Variants in UBA7 observed in about 807,000 individuals in gnomAD.
The protein encoded by UBA7 is ubiquitin-like modifier-activating enzyme 7.
Under a neutral mutation model 113.0 loss-of-function variants are expected in UBA7, and 88 were observed. The observed-to-expected ratio is 0.78, with a 90% CI of 0.66 to 0.93. UBA7 has a LOEUF of 0.93. Among genes scored for constraint, UBA7 ranks in the 40% least tolerant of loss-of-function variants. The pLI is 0.00. For missense variants in UBA7, 1,092 were observed against 1,266.4 expected (o/e 0.86, Z 2.09); for synonymous variants, 459 against 513.0 (o/e 0.89, Z 1.42).
At chr3:49,812,847 A>G (rs1575379363) in intron 4 of UBA7, 109 bp from the exon 5 acceptor site, 2 of 1,336,176 alleles carry the variant, frequency 1.5e-6, no homozygotes, top group East Asian at 5.0e-5. Context: ...ATGCAAGGAG[A>G]GGCTTGGGAA....
Position 49,813,536 on chromosome 3 carries a change from C to T in UBA7, c.168G>A (p.Val56=), listed in dbSNP as rs756331956. The part of the protein sequence containing the change: ...EVAKNLVLMG[V]GSLTLHDPHP... ...GGGGATCATGCAGAGTGAGGCTGCC[C>T]ACACCCATCAGAACCAAGTTCTTGG... is the stretch of plus-strand genomic sequence containing the variant. Residue 56 remains valine, a synonymous_variant, in exon 2 of 24, where the codon GTG becomes GTA. Coordinates refer to ENST00000333486, the MANE Select transcript of UBA7 (RefSeq NM_003335.3). 5.0e-6 allele frequency: 8 copies of T among 1,613,968 alleles called. No individual in the cohort carries two copies. The East Asian group carries it at 6.7e-5, about 13-fold the overall frequency.
In UBA7 at chr3:49,810,238, C is replaced by G. The variant is rs1356021262; in HGVS notation, c.1633+25G>C. 6.2e-7 allele frequency: 1 copy of G among 1,613,358 alleles called. No homozygotes were observed. The highest frequency in any genetic ancestry group is 1.1e-5 in the South Asian group (1 of 91,026). ...GACTGGCACAGCTGTGGGCAAGGGA[C>G]TGACCTCCGAAGTCAAGCACTCACG... is the stretch of plus-strand genomic sequence containing the variant. On this transcript the variant is annotated intron_variant, in intron 13 of 23. Coordinates refer to ENST00000333486, the MANE Select transcript of UBA7 (RefSeq NM_003335.3). The surrounding 1 kb of genome is among the most constrained non-coding windows in gnomAD (Gnocchi z 5.6).
intron 21 of UBA7, chr3:49,806,402 C>T: frequency 1.7e-6 from 1 of 584,634 alleles, no homozygotes; most frequent in South Asian, 2.0e-5. Flanking sequence ...CGATCCATCA[C>T]ATGGGCCAGT....
In UBA7 at chr3:49,807,304, C is replaced by T. The variant is rs1460936914; in HGVS notation, c.2715+432G>A. Among the ~76,000 whole-genome samples the T allele has an allele frequency of 1.3e-5, 2 of 152,198 alleles. No homozygotes were observed. Among genetic ancestry groups the T allele is most frequent in the Admixed American group, 6.5e-5 (1 of 15,286 alleles). ...TACACTCAGGGCTGCAGACCCCACACCTCTAGTGGCAAGCCTATTACCTTT... is the reference window on the plus strand; with the variant it reads ...TACACTCAGGGCTGCAGACCCCACATCTCTAGTGGCAAGCCTATTACCTTT... On this transcript the variant is annotated intron_variant, in intron 21 of 23. Transcript: ENST00000333486. This position sits in a 1 kb window ranked among gnomAD's most constrained non-coding sequence, Gnocchi z 4.0.
At position 49,808,180 on chromosome 3, in the gene UBA7, C is replaced by A; in HGVS notation, c.2431-68G>T. On this transcript the variant is annotated intron_variant, in intron 19 of 23. Coordinates refer to ENST00000333486, the MANE Select transcript of UBA7 (RefSeq NM_003335.3). ...CCCCTCACCGTGGCCCACTGCGTGT[C>A]ACTGCACAAGTCTCCACACAGTTCT... 1.9e-6 allele frequency: 3 copies of A among 1,583,674 alleles called. No individual in the cohort carries two copies. The South Asian group carries it at 3.4e-5, about 18-fold the overall frequency.
At position 49,813,285 on chromosome 3, in the gene UBA7, C is replaced by G. The variant is rs557965819; in HGVS notation, c.324G>C (p.Thr108=). The part of the protein sequence containing the change: ...LNRAVQVVVH[T]GDITEDLLLD... ...ACAGCAGGTCCTCAGTGATGTCACC[C>G]GTGTGCACGACGACCTGGACAGCTC... The change falls in exon 3 of 24, where the codon ACG becomes ACC. Residue 108 remains threonine, a synonymous_variant. Coordinates refer to ENST00000333486, the MANE Select transcript of UBA7 (RefSeq NM_003335.3). 1.2e-6 allele frequency: 2 copies of G among 1,614,174 alleles called. No individual in the cohort carries two copies. The highest frequency in any genetic ancestry group is 2.2e-5 in the South Asian group (2 of 91,086).
rs1380927567 is a variant in UBA7, at chr3:49,813,583, G to A, written c.121C>T (p.Gln41Ter). The A allele has an allele frequency of 6.2e-7, 1 of 1,614,130 alleles. No homozygotes were observed. Among genetic ancestry groups the A allele is most frequent in the Non-Finnish European group, 8.5e-7 (1 of 1,180,044 alleles). Reference sequence around the variant, plus strand: ...TTGGCCACCTCGGCCCCCAGGCCCTGCAGGCCTGACACCAGGACCCTGGCT... The same window carrying A: ...TTGGCCACCTCGGCCCCCAGGCCCTACAGGCCTGACACCAGGACCCTGGCT... Reference protein sequence around the residue: ...QGARVLVSGLQGLGAEVAKNL... With the variant: ...QGARVLVSGL Residue 41 changes from glutamine (Q) to a stop codon, truncating the protein, a stop_gained, in exon 2 of 24, where the codon CAG becomes TAG. Coordinates refer to ENST00000333486, the MANE Select transcript of UBA7 (RefSeq NM_003335.3). LOFTEE classifies it high-confidence loss of function.
Position 49,806,014 on chromosome 3 carries a change from A to G in UBA7, c.2809-17T>C. ...GTGCTGCTCCTAGAGGAGAAAGGTC[A>G]GACACCAGCTGGGCCGGGCTGGGCT... On this transcript the variant is annotated splice_polypyrimidine_tract_variant and intron_variant, in intron 22 of 23. Coordinates refer to ENST00000333486, the MANE Select transcript of UBA7 (RefSeq NM_003335.3). The G allele has an allele frequency of 2.6e-6, 4 of 1,567,154 alleles. No individual in the cohort carries two copies. In the South Asian group the frequency reaches 4.7e-5, roughly 18 times the overall value.
chr3:49,809,141 C>A lies in UBA7; in HGVS notation c.2182G>T (p.Val728Leu). 6.2e-7 allele frequency: 1 copy of A among 1,612,274 alleles called. No homozygotes were observed. The highest frequency in any genetic ancestry group is 1.1e-5 in the South Asian group (1 of 90,758). Residue 728 changes from valine to leucine, a missense_variant, in exon 18 of 24, where the codon GTA becomes TTA. Val to Leu is a conservative substitution (Grantham distance 32). This residue lies in a region of UBA7 where 500 missense variants were observed against 529.3 expected (regional missense o/e 0.94). Coordinates refer to ENST00000333486, the MANE Select transcript of UBA7 (RefSeq NM_003335.3). Reference protein sequence around the residue: ...DTNQDTHLLYVLAAANLYAQM... With the variant: ...DTNQDTHLLYLLAAANLYAQM... ...GCATACAGGTTGGCAGCTGCCAGTA[C>A]GTAGAGGAGGTGTGTGTCCTGCAGC...
At chr3:49,809,750 G>C in intron 15 of UBA7, 25 bp from the exon 16 acceptor site, 1 of 1,614,116 alleles carries the variant, frequency 6.2e-7, no homozygotes, top group Non-Finnish European at 8.5e-7. Flanking sequence ...GGAAGTGTGA[G>C]ACTGAGTCCT....
In UBA7 at chr3:49,811,319, G is replaced by A. The variant is rs757065862; in HGVS notation, c.1076C>T (p.Pro359Leu). 1.2e-6 allele frequency: 2 copies of A among 1,614,182 alleles called. No individual in the cohort carries two copies. The highest frequency in any genetic ancestry group is 1.1e-5 in the South Asian group (1 of 91,084). The change falls in exon 9 of 24, where the codon CCT (proline) becomes CTT (leucine). Residue 359 changes from proline to leucine, a missense_variant. By Grantham distance (98) the Pro-to-Leu change is moderately conservative (BLOSUM62 -3). Coordinates refer to ENST00000333486, the MANE Select transcript of UBA7 (RefSeq NM_003335.3). ...VALSSAGVLSPMVAMLGAVAA... is the reference protein window; with the variant it reads ...VALSSAGVLSLMVAMLGAVAA... ...TACTGCACCCAGCATGGCCACCATAGGGCTCAAGACACCTGCACTGCTTAG... is the reference window on the plus strand; with the variant it reads ...TACTGCACCCAGCATGGCCACCATAAGGCTCAAGACACCTGCACTGCTTAG...
chr3:49,809,892 G>C lies in UBA7; in HGVS notation c.1840-13C>G. 6.2e-7 allele frequency: 1 copy of C among 1,614,198 alleles called. No homozygotes were observed. The highest frequency in any genetic ancestry group is 1.3e-5 in the African/African-American group (1 of 75,050). On this transcript the variant is annotated splice_polypyrimidine_tract_variant and intron_variant, in intron 14 of 23. Transcript: ENST00000333486. ...CATGCCGGGCCCACTGTGGAGGAGG[G>C]AGGAAGAATGAGGTATCAGGTGGAG... is the stretch of plus-strand genomic sequence containing the variant.
At position 49,811,764 on chromosome 3, in the gene UBA7, G is replaced by A. The variant is rs1476767158; in HGVS notation, c.939+106C>T. 6.5e-6 allele frequency: 10 copies of A among 1,546,890 alleles called. No individual in the cohort carries two copies. In the African/African-American group the frequency reaches 9.5e-5, roughly 15 times the overall value. On this transcript the variant is annotated intron_variant, in intron 8 of 23. Coordinates refer to ENST00000333486, the MANE Select transcript of UBA7 (RefSeq NM_003335.3). ...ACCAGTCTCTACTCTAAAGGCTGCA[G>A]TGTTGGGAGATCAGACTTGGATTTG... is the stretch of plus-strand genomic sequence containing the variant.
intron 23 of UBA7, 40 bp downstream of exon 23, chr3:49,805,857 G>A (rs1305920767): frequency 6.5e-7 from 1 of 1,533,496 alleles, no homozygotes. Flanking sequence ...CCAGCCTCCA[G>A]GGACTGGTGG....
At position 49,811,098 on chromosome 3, in the gene UBA7, G is replaced by A; in HGVS notation, c.1123-7C>T. The A allele has an allele frequency of 6.2e-7, 1 of 1,613,686 alleles. No individual in the cohort carries two copies. The highest frequency in any genetic ancestry group is 1.3e-5 in the African/African-American group (1 of 75,024). On this transcript the variant is annotated splice_region_variant and splice_polypyrimidine_tract_variant and intron_variant, in intron 9 of 23. Transcript: ENST00000333486. ...TGAACTTCCTGGAGATTGCCTAGGGGCAGCACTTCAGGCTGGGCACTCCTG... is the reference window on the plus strand; with the variant it reads ...TGAACTTCCTGGAGATTGCCTAGGGACAGCACTTCAGGCTGGGCACTCCTG...
At position 49,813,241 on chromosome 3, in the gene UBA7, G is replaced by A. The variant is rs1444384980; in HGVS notation, c.360+8C>T. The stretch of plus-strand genomic sequence containing the variant: ...TCCTGCTCTTGAGGGCTGCAGGCCT[G>A]AGCTGACCTGGAAGTCCAACAGCAG... On this transcript the variant is annotated splice_region_variant and intron_variant, in intron 3 of 23. Coordinates refer to ENST00000333486, the MANE Select transcript of UBA7 (RefSeq NM_003335.3). 1 of 1,613,926 alleles carries A rather than the reference G, an allele frequency of 6.2e-7. No individual in the cohort carries two copies. The highest frequency in any genetic ancestry group is 1.3e-5 in the African/African-American group (1 of 74,938).
Position 49,807,709 on chromosome 3 carries a change from GC to G in UBA7, c.2715+26del. On this transcript the variant is annotated intron_variant, in intron 21 of 23. Coordinates refer to ENST00000333486, the MANE Select transcript of UBA7 (RefSeq NM_003335.3). This position sits in a 1 kb window ranked among gnomAD's most constrained non-coding sequence, Gnocchi z 4.0. ...GCAGGGGAAACCCAGGCCTAGTAGG[GC>G]TAAGGGTGGGGTATCATGGGCTCAC... The G allele has an allele frequency of 2.5e-6, 4 of 1,584,028 alleles. No homozygotes were observed. The highest frequency in any genetic ancestry group is 3.4e-6 in the Non-Finnish European group (4 of 1,164,442).
chr3:49,811,252 C>T lies in UBA7; in HGVS notation c.1122+21G>A, dbSNP rs773905084. 7.4e-6 allele frequency: 12 copies of T among 1,613,494 alleles called. No individual in the cohort carries two copies. In the East Asian group the frequency reaches 1.6e-4, roughly 21 times the overall value. On this transcript the variant is annotated intron_variant, in intron 9 of 23. Coordinates refer to ENST00000333486, the MANE Select transcript of UBA7 (RefSeq NM_003335.3). ...ATCTCCACATCTTCCCAGTACCCCC[C>T]ACACCTATGCCTCTGCCCACCTTCA...
intron 8 of UBA7, 39 bp downstream of exon 8, chr3:49,811,831 A>C: frequency 6.2e-7 from 1 of 1,607,316 alleles, no homozygotes; most frequent in Non-Finnish European, 8.5e-7. Flanking sequence ...ACCCCAATAA[A>C]TGACAGAGGC....
Sources: gnomAD v4.1 joint callset for allele counts (sites outside exome capture counted in the v4.1 genomes callset) on GRCh38, gnomAD v4.1.1 for gene constraint, gnomAD v4.1.1 regional missense constraint, Gnocchi (gnomAD v3.1) non-coding constraint, MANE v1.5 for transcripts, NCBI Gene and HGNC (gene_info 2026-07-23, HGNC 2026-07-21) for gene names.